GDA: variants seen among roughly 807,000 people sequenced by gnomAD.
GDA encodes the protein cytoplasmic PSD-95 interactor.
GDA carries 18 observed loss-of-function variants against 59.6 expected under a neutral mutation model. That is an observed-to-expected ratio of 0.30 (90% confidence interval 0.21 to 0.45). The LOEUF (loss-of-function observed/expected upper bound fraction) is 0.45, where lower values mean the gene tolerates loss of function less well. GDA is among the 20% of genes least tolerant of loss of function. GDA has a pLI of 1.00. For missense variants in GDA, 427 were observed against 552.3 expected (o/e 0.77, Z 2.27); for synonymous variants, 201 against 201.1 (o/e 1.00, Z 0.00).
intron 3 of GDA, among the ~76,000 whole-genome samples, chr9:72,204,965 A>G (rs559913510): frequency 6.6e-6 from 1 of 152,240 alleles, no homozygotes; most frequent in South Asian, 2.1e-4. Context: ...TACAAAAATT[A>G]GCTGGGTGTG....
intron 1 of GDA, among the ~76,000 whole-genome samples, chr9:72,120,597 A>G (rs935729204): frequency 1.3e-5 from 2 of 152,200 alleles, no homozygotes; most frequent in Admixed American, 6.5e-5. Flanking sequence ...TCTTTGGTCA[A>G]TCCATATCAC....
chr9:72,253,063 A>T (rs1840795088), downstream of GDA, among the ~76,000 whole-genome samples: 2 of 152,178 alleles, frequency 1.3e-5, no homozygotes. Context: ...TTACACAGAA[A>T]CACTTTGCAT....
chr9:72,213,009 G>A (rs527648032), intron 4 of GDA, among the ~76,000 whole-genome samples: 4 of 152,274 alleles, frequency 2.6e-5, no homozygotes, highest in South Asian at 2.1e-4. Context: ...AGTGGCTCAC[G>A]CCTGCAATCC....
intron 1 of GDA, among the ~76,000 whole-genome samples, chr9:72,134,938 A>G (rs1438486668): frequency 3.9e-5 from 6 of 152,224 alleles, no homozygotes; most frequent in Admixed American, 3.9e-4. Context: ...TGGGAAAAGA[A>G]GTGGTTGGAC....
chr9:72,193,938 G>A (rs574824384), intron 1 of GDA: 2 of 152,478 alleles, frequency 1.3e-5, no homozygotes, highest in East Asian at 1.9e-4. Context: ...CAGGTCCCCT[G>A]GAAGTCCTGC....
chr9:72,168,085 A>G (rs989724491), intron 1 of GDA, among the ~76,000 whole-genome samples: 1 of 152,162 alleles, frequency 6.6e-6, no homozygotes, highest in Non-Finnish European at 1.5e-5. Flanking sequence ...AAATAAGGAA[A>G]TGATTATTTC....
intron 1 of GDA, among the ~76,000 whole-genome samples, chr9:72,133,498 A>G (rs1826111197): frequency 6.6e-6 from 1 of 152,070 alleles, no homozygotes; most frequent in South Asian, 2.1e-4. Flanking sequence ...TCCTTGATCT[A>G]TGTGAACTTT....
intron 1 of GDA, among the ~76,000 whole-genome samples, chr9:72,151,996 T>C (rs1393131987): frequency 6.6e-6 from 1 of 152,210 alleles, no homozygotes; most frequent in Non-Finnish European, 1.5e-5. Flanking sequence ...TGCTGATTTC[T>C]GGGCATCATC....
At chr9:72,122,945 T>C (rs372367520) in intron 1 of GDA, among the ~76,000 whole-genome samples, 44 of 152,332 alleles carry the variant, frequency 2.9e-4, no homozygotes, top group African/African-American at 1.0e-3. Context: ...AGAACTCTTC[T>C]TGAAAAGCTT....
chr9:72,114,901 C>T (rs1186046870), intron 1 of GDA: 1 of 152,178 alleles, frequency 6.6e-6, no homozygotes, highest in East Asian at 1.9e-4. Flanking sequence ...ATACTGAGTA[C>T]CACAGCCCTG....
upstream of GDA, among the ~76,000 whole-genome samples, chr9:72,146,813 T>A (rs988667368): frequency 2.6e-5 from 4 of 152,174 alleles, no homozygotes; most frequent in African/African-American, 9.7e-5. Flanking sequence ...ACTTCTGGCA[T>A]GTGGCTGAGC....
intron 2 of GDA, among the ~76,000 whole-genome samples, chr9:72,198,757 A>G (rs1436451925): frequency 6.6e-6 from 1 of 151,288 alleles, no homozygotes; most frequent in Non-Finnish European, 1.5e-5. Context: ...ATTGATATAT[A>G]CCTGTATTGT....
intron 3 of GDA, among the ~76,000 whole-genome samples, chr9:72,206,545 G>A (rs1834732598): frequency 6.6e-6 from 1 of 152,114 alleles, no homozygotes; most frequent in Admixed American, 6.5e-5. Context: ...GGCCTAGGCG[G>A]ACGGATCACC....
intron 1 of GDA, among the ~76,000 whole-genome samples, chr9:72,137,174 A>G (rs1375782178): frequency 6.6e-6 from 1 of 150,836 alleles, no homozygotes; most frequent in Non-Finnish European, 1.5e-5. Flanking sequence ...AAAATTTAGG[A>G]TCCTTAAAAA....
chr9:72,255,365 A>G (rs533189177), downstream of GDA, among the ~76,000 whole-genome samples: 1 of 152,116 alleles, frequency 6.6e-6, no homozygotes, highest in African/African-American at 2.4e-5. Context: ...CAATGAGGGC[A>G]TCTATGGATT....
At chr9:72,231,585 G>T (rs763579308) in intron 10 of GDA, among the ~76,000 whole-genome samples, 1 of 151,534 alleles carries the variant, frequency 6.6e-6, no homozygotes, top group Admixed American at 6.6e-5. Context: ...AAAGGAAATT[G>T]TATGCAAAGG....
intron 1 of GDA, among the ~76,000 whole-genome samples, chr9:72,158,082 TTTTCACAAAGGC>T (rs1174614664): frequency 1.3e-5 from 2 of 152,214 alleles, no homozygotes; most frequent in Non-Finnish European, 2.9e-5. Context: ...GATCTTCTCT[TTTTCACAAAGGC>T]TTTCACAAAG....
chr9:72,125,042 A>G (rs1175667761), intron 1 of GDA, among the ~76,000 whole-genome samples: 2 of 152,196 alleles, frequency 1.3e-5, no homozygotes, highest in African/African-American at 4.8e-5. Flanking sequence ...TGAATCCTGG[A>G]TGATTTGGGA....
chr9:72,213,976 T>C lies in GDA; in HGVS notation c.563T>C (p.Ile188Thr). ...TACAAGGAGACCACTGAGGAATCGATCAAGGAAACTGAGAGGTAAAAGGCC... is the reference window on the plus strand; with the variant it reads ...TACAAGGAGACCACTGAGGAATCGACCAAGGAAACTGAGAGGTAAAAGGCC... Reference protein sequence around the residue: ...PEYKETTEESIKETERFVSEM... With the variant: ...PEYKETTEESTKETERFVSEM... Residue 188 changes from isoleucine to threonine, a missense_variant, in exon 5 of 14, where the codon ATC (isoleucine) becomes ACC (threonine). By Grantham distance (89) the Ile-to-Thr change is moderately conservative. Coordinates refer to ENST00000358399, the MANE Select transcript of GDA (RefSeq NM_004293.5). 1 of 1,583,056 alleles carries C rather than the reference T, an allele frequency of 6.3e-7. No individual in the cohort carries two copies. Among genetic ancestry groups the C allele is most frequent in the East Asian group, 2.2e-5 (1 of 44,744 alleles).
Sources: gnomAD v4.1 joint callset for allele counts (sites outside exome capture counted in the v4.1 genomes callset) on GRCh38, gnomAD v4.1.1 for gene constraint, MANE v1.5 for transcripts, NCBI Gene and HGNC (gene_info 2026-07-23, HGNC 2026-07-21) for gene names.